LRMDA: variants seen among roughly 807,000 people sequenced by gnomAD.
LRMDA encodes the protein leucine rich melanocyte differentiation associated.
A neutral mutation model predicts 29.8 loss-of-function variants in LRMDA; 18 were observed. The observed-to-expected ratio is 0.60, with a 90% confidence interval of 0.42 to 0.90. LRMDA has a LOEUF of 0.90. Among genes scored for constraint, LRMDA ranks in the 40% least tolerant of loss-of-function variants. LRMDA has a pLI of 0.00. For missense variants in LRMDA, 273 were observed against 273.9 expected, an observed-to-expected ratio of 1.00 and a Z score of 0.02; for synonymous variants, 125 against 109.4, an observed-to-expected ratio of 1.14 and a Z score of -0.89.
At chr10:76,428,300 T>C (rs1037615926) in intron 6 of LRMDA, among the ~76,000 whole-genome samples, 1 of 152,148 alleles carries the variant, frequency 6.6e-6, no homozygotes, top group African/African-American at 2.4e-5. Context: ...GAATGGTTCC[T>C]TTACTTGTTT....
At chr10:75,486,161 A>G (rs1371387805) in intron 2 of LRMDA, among the ~76,000 whole-genome samples, 1 of 152,184 alleles carries the variant, frequency 6.6e-6, no homozygotes, top group Admixed American at 6.5e-5. Flanking sequence ...GAGTGTTTTC[A>G]AATTTCTGTG....
At chr10:75,921,619 T>TGCATGTGTGCATGTGG (rs1242713689) in intron 2 of LRMDA, among the ~76,000 whole-genome samples, 52 of 152,346 alleles carry the variant, frequency 3.4e-4, no homozygotes, top group African/African-American at 1.2e-3. Flanking sequence ...TCTGTGTGCA[T>TGCATGTGTGCATGTGG]GCATGTGTGC....
chr10:76,070,032 C>T (rs1848850193), intron 5 of LRMDA, among the ~76,000 whole-genome samples: 1 of 152,188 alleles, frequency 6.6e-6, no homozygotes, highest in African/African-American at 2.4e-5. Context: ...CTTCTACCTC[C>T]TGTTATTGGT....
Position 75,711,897 on chromosome 10 carries a change from A to ATCTGTTTGATTTTT in LRMDA, c.131+273416_131+273417insTTCTGTTTGATTTT, listed in dbSNP as rs1444028239. Among the ~76,000 whole-genome samples the ATCTGTTTGATTTTT allele has an allele frequency of 2.0e-5, 3 of 151,280 alleles. No individual in the cohort carries two copies. In the East Asian group the frequency reaches 5.8e-4, roughly 29 times the overall value. On this transcript the variant is annotated intron_variant, in intron 2 of 6. Coordinates refer to ENST00000611255, the MANE Select transcript of LRMDA (RefSeq NM_001305581.2). ...TCATGTAGTATGTTTCTCCCAGCCT[A>ATCTGTTTGATTTTT]TCTGTTTGATTTTGAAGGTAAAACA... is the stretch of plus-strand genomic sequence containing the variant.
intron 6 of LRMDA, among the ~76,000 whole-genome samples, chr10:76,432,122 G>A (rs1564539950): frequency 6.6e-6 from 1 of 152,098 alleles, no homozygotes; most frequent in Admixed American, 6.6e-5. Context: ...CTTGAGTCCT[G>A]GCTGATTATC....
intron 6 of LRMDA, among the ~76,000 whole-genome samples, chr10:76,527,980 G>A (rs1348385893): frequency 1.3e-5 from 2 of 152,048 alleles, no homozygotes; most frequent in South Asian, 2.1e-4. Context: ...ATTCACTCTC[G>A]ATAATAACCA....
At chr10:76,135,878 C>T (rs1339228848) in intron 5 of LRMDA, among the ~76,000 whole-genome samples, 3 of 151,928 alleles carry the variant, frequency 2.0e-5, no homozygotes, top group Non-Finnish European at 4.4e-5. Flanking sequence ...TAAGGTTACA[C>T]TCACACTTAC....
intron 5 of LRMDA, among the ~76,000 whole-genome samples, chr10:76,228,549 G>C (rs1852003499): frequency 6.6e-6 from 1 of 152,132 alleles, no homozygotes; most frequent in African/African-American, 2.4e-5. Flanking sequence ...ACTTGCCGCT[G>C]ATTGGTTGGG....
intron 2 of LRMDA, among the ~76,000 whole-genome samples, chr10:75,757,144 A>G (rs1843041769): frequency 6.6e-6 from 1 of 152,160 alleles, no homozygotes; most frequent in Non-Finnish European, 1.5e-5. Flanking sequence ...GAAAGCAGAA[A>G]CCAAATTTCC....
chr10:76,445,969 TC>T (rs2132295667), intron 6 of LRMDA, among the ~76,000 whole-genome samples: 1 of 152,274 alleles, frequency 6.6e-6, no homozygotes, highest in African/African-American at 2.4e-5. Flanking sequence ...ATAACTGAAG[TC>T]CCTCACATTC....
intron 6 of LRMDA, among the ~76,000 whole-genome samples, chr10:76,503,911 G>C (rs1752314622): frequency 6.7e-6 from 1 of 149,932 alleles, no homozygotes; most frequent in Non-Finnish European, 1.5e-5. Flanking sequence ...CTCTAAGTAT[G>C]GTGTTGGATT....
chr10:75,904,577 T>G (rs557005764), intron 2 of LRMDA, among the ~76,000 whole-genome samples: 1 of 152,300 alleles, frequency 6.6e-6, no homozygotes, highest in South Asian at 2.1e-4. Context: ...GCTGCCACAC[T>G]AAAGAGGACA....
intron 6 of LRMDA, among the ~76,000 whole-genome samples, chr10:76,398,041 T>C (rs1166308249): frequency 2.0e-5 from 3 of 152,174 alleles, no homozygotes; most frequent in Non-Finnish European, 4.4e-5. Context: ...GACATCTGAG[T>C]TCTATTCTAC....
intron 6 of LRMDA, among the ~76,000 whole-genome samples, chr10:76,331,614 TC>T (rs1840906149): frequency 6.6e-6 from 1 of 152,220 alleles, no homozygotes; most frequent in South Asian, 2.1e-4. Flanking sequence ...AGGGGTCCTG[TC>T]AAATAAGAGT....
chr10:75,894,956 C>T (rs546126738), intron 2 of LRMDA, among the ~76,000 whole-genome samples: 2 of 152,122 alleles, frequency 1.3e-5, no homozygotes, highest in Admixed American at 1.3e-4. Context: ...AGATGAGAAA[C>T]TGGTTAAGTA....
intron 2 of LRMDA, among the ~76,000 whole-genome samples, chr10:75,760,041 G>T (rs1448231155): frequency 6.6e-6 from 1 of 152,180 alleles, no homozygotes; most frequent in Non-Finnish European, 1.5e-5. Context: ...ATTAAAAGAT[G>T]TAGTAAACAG....
At chr10:75,993,423 A>T (rs756465902) in intron 2 of LRMDA, among the ~76,000 whole-genome samples, 68 of 152,186 alleles carry the variant, frequency 4.5e-4, no homozygotes, top group Non-Finnish European at 9.3e-4. Context: ...TGTTATTGTT[A>T]TCCCCATTTT....
At chr10:75,972,518 C>G (rs1846993794) in intron 2 of LRMDA, among the ~76,000 whole-genome samples, 1 of 152,122 alleles carries the variant, frequency 6.6e-6, no homozygotes, top group South Asian at 2.1e-4. Context: ...GCAACTGTGA[C>G]AGGATATAGC....
chr10:75,654,401 A>G (rs974138820), intron 2 of LRMDA, among the ~76,000 whole-genome samples: 1 of 152,228 alleles, frequency 6.6e-6, no homozygotes. Context: ...ACCCAGGAGT[A>G]TATTAAATTT....
Sources: gnomAD v4.1 joint callset for allele counts (sites outside exome capture counted in the v4.1 genomes callset) on GRCh38, gnomAD v4.1.1 for gene constraint, MANE v1.5 for transcripts, NCBI Gene and HGNC (gene_info 2026-07-23, HGNC 2026-07-21) for gene names.